The following STK33 variants were observed in gnomAD, a reference collection of about 807,000 sequenced individuals.
STK33 encodes the protein serine/threonine-protein kinase 33.
A neutral mutation model predicts 58.0 loss-of-function variants in STK33; 52 were observed. That is an observed-to-expected ratio of 0.90 (90% CI 0.72 to 1.13). The LOEUF is 1.13. STK33 is among the 50% of genes most tolerant of loss of function. The pLI, the probability that STK33 is intolerant of heterozygous loss-of-function variation, is 0.00. For missense variants in STK33, 630 were observed against 604.2 expected (o/e 1.04, Z -0.45); for synonymous variants, 215 against 200.1 (o/e 1.07, Z -0.63).
In STK33 at chr11:8,495,441, G is replaced by A. The variant is rs561486355; in HGVS notation, c.-465-14827C>T. On this transcript the variant is annotated intron_variant, in intron 1 of 15. Transcript: ENST00000687296. ...TAGAATGGTGATCATTAAAAAGTCA[G>A]GAAACAACAGATACTGGAGAGGATG... is the stretch of plus-strand genomic sequence containing the variant. Among the ~76,000 whole-genome samples the A allele has an allele frequency of 1.7e-3, 261 of 152,270 alleles. 2 individuals carry two copies. The highest frequency in any genetic ancestry group is 6.1e-3 in the African/African-American group (255 of 41,548).
chr11:8,533,442 G>C (rs1160741677), intron 1 of STK33: 1 of 152,234 alleles, frequency 6.6e-6, no homozygotes, highest in Non-Finnish European at 1.5e-5. Flanking sequence ...GAGCAGCAGA[G>C]CTGCCACACA....
intron 7 of STK33, among the ~76,000 whole-genome samples, chr11:8,462,400 T>C (rs199792802): frequency 4.8e-4 from 53 of 111,468 alleles, no homozygotes; most frequent in African/African-American, 1.1e-3. Context: ...TATATATATA[T>C]ACATATATAT....
intron 1 of STK33, among the ~76,000 whole-genome samples, chr11:8,546,228 T>C (rs572341751): frequency 5.9e-5 from 9 of 152,300 alleles, no homozygotes; most frequent in Admixed American, 2.0e-4. Flanking sequence ...ACTGTGCAAA[T>C]ACTTGTACAC....
chr11:8,422,431 G>A (rs10840042), intron 14 of STK33, among the ~76,000 whole-genome samples: 1 of 151,844 alleles, frequency 6.6e-6, no homozygotes, highest in South Asian at 2.1e-4. Flanking sequence ...TCACAATGTC[G>A]TGGTATAGTT....
At chr11:8,409,264 A>G (rs1288679053) in intron 15 of STK33, among the ~76,000 whole-genome samples, 4 of 152,218 alleles carry the variant, frequency 2.6e-5, no homozygotes, top group Non-Finnish European at 1.5e-5. Context: ...TATTAGACTG[A>G]ATTCAGATCT....
chr11:8,533,095 A>G (rs1341646912), intron 1 of STK33, among the ~76,000 whole-genome samples: 1 of 152,236 alleles, frequency 6.6e-6, no homozygotes, highest in African/African-American at 2.4e-5. Flanking sequence ...ATAAACCAAC[A>G]TTTTATCAGT....
chr11:8,498,150 T>C (rs1017462085), intron 1 of STK33, among the ~76,000 whole-genome samples: 1 of 152,120 alleles, frequency 6.6e-6, no homozygotes, highest in African/African-American at 2.4e-5. Context: ...TTTTGATATA[T>C]GCAGAAAAAA....
intron 12 of STK33, among the ~76,000 whole-genome samples, chr11:8,437,402 C>T (rs922043088): frequency 2.6e-4 from 40 of 152,196 alleles, no homozygotes; most frequent in Admixed American, 1.8e-3. Flanking sequence ...TCAACTCCAA[C>T]ATCTGAGGGC....
chr11:8,403,639 G>T (rs568673308), intron 15 of STK33, among the ~76,000 whole-genome samples: 8 of 152,304 alleles, frequency 5.3e-5, no homozygotes, highest in African/African-American at 1.4e-4. Context: ...ATTGGAGGCA[G>T]AATGATGGAA....
At chr11:8,532,593 C>T (rs1219248122) in intron 1 of STK33, among the ~76,000 whole-genome samples, 2 of 152,192 alleles carry the variant, frequency 1.3e-5, no homozygotes, top group Non-Finnish European at 2.9e-5. Context: ...GGTTAAGGTG[C>T]AAAACTAATA....
At chr11:8,358,487 G>T in the STK33 span, among the ~76,000 whole-genome samples, 7 of 152,298 alleles carry the variant, frequency 4.6e-5, no homozygotes, top group Admixed American at 4.6e-4. Flanking sequence ...TAACCGTCAG[G>T]CTGGGAAATG....
intron 2 of STK33, among the ~76,000 whole-genome samples, chr11:8,477,985 T>C (rs1044022558): frequency 9.9e-5 from 15 of 152,224 alleles, no homozygotes; most frequent in Admixed American, 2.0e-4. Context: ...GTTGAATAGC[T>C]GCATGCAAAA....
At chr11:8,564,565 T>C (rs1326705072) in intron 1 of STK33, among the ~76,000 whole-genome samples, 1 of 152,210 alleles carries the variant, frequency 6.6e-6, no homozygotes, top group African/African-American at 2.4e-5. Context: ...GAATGTACTC[T>C]TCCTAAGTAT....
the STK33 span, among the ~76,000 whole-genome samples, chr11:8,347,051 T>C: frequency 6.6e-6 from 1 of 152,260 alleles, no homozygotes; most frequent in African/African-American, 2.4e-5. Context: ...CTCAGCCTTT[T>C]CCAGCTTAAA....
chr11:8,478,842 C>T (rs1029077274), intron 2 of STK33, among the ~76,000 whole-genome samples: 2 of 151,822 alleles, frequency 1.3e-5, no homozygotes, highest in Admixed American at 6.6e-5. Flanking sequence ...TAAAGAAGGG[C>T]CCAGTGAGTT....
chr11:8,365,475 C>G, the STK33 span, among the ~76,000 whole-genome samples: 1 of 152,222 alleles, frequency 6.6e-6, no homozygotes, highest in Non-Finnish European at 1.5e-5. Context: ...GTAACAAATT[C>G]AGTGCAGCCA....
At chr11:8,579,245 T>C (rs575682371) in intron 1 of STK33, among the ~76,000 whole-genome samples, 1 of 152,168 alleles carries the variant, frequency 6.6e-6, no homozygotes, top group South Asian at 2.1e-4. Flanking sequence ...TATAGGTTTT[T>C]TATTAAATCT....
At chr11:8,461,990 C>T in intron 7 of STK33, 81 bp from the exon 8 acceptor site, 2 of 1,121,692 alleles carry the variant, frequency 1.8e-6, no homozygotes, top group Non-Finnish European at 2.4e-6. Flanking sequence ...TTTATGTTTT[C>T]CTACTTTTTT....
At chr11:8,350,513 G>A in the STK33 span, among the ~76,000 whole-genome samples, 8 of 152,186 alleles carry the variant, frequency 5.3e-5, no homozygotes, top group Non-Finnish European at 1.2e-4. Context: ...GGGGGTGACA[G>A]CTCACATCTC....
Sources: allele counts gnomAD v4.1 joint callset (sites outside exome capture counted in the v4.1 genomes callset), GRCh38; gene constraint gnomAD v4.1.1; transcripts MANE v1.5; gene names NCBI Gene and HGNC (gene_info 2026-07-23, HGNC 2026-07-21).